ANO5: variants seen among roughly 807,000 people sequenced by gnomAD.
ANO5 encodes anoctamin-5.
Under a neutral mutation model 121.0 loss-of-function variants are expected in ANO5, and 109 were observed. The observed-to-expected ratio is 0.90, with a 90% CI of 0.77 to 1.06. ANO5 has a LOEUF of 1.06. Among genes scored for constraint, ANO5 ranks in the 50% least tolerant of loss-of-function variants. The pLI is 0.00. For missense variants in ANO5, 1,064 were observed against 1,078.5 expected (o/e 0.99, Z 0.19); for synonymous variants, 406 against 359.9 (o/e 1.13, Z -1.45).
chr11:22,227,106 G>A lies in ANO5; in HGVS notation c.364-196G>A, dbSNP rs544881637. 2.3e-4 allele frequency among the ~76,000 whole-genome samples: 35 copies of A among 151,858 alleles called. No individual in the cohort carries two copies. In the South Asian group the frequency reaches 7.3e-3, roughly 31 times the overall value. Reference sequence around the variant, plus strand: ...TTTCACATATATACACACATTATATGTATACATATATACATGTTTTTGTAA... The same window carrying A: ...TTTCACATATATACACACATTATATATATACATATATACATGTTTTTGTAA... On this transcript the variant is annotated intron_variant, in intron 6 of 21. Coordinates refer to ENST00000324559, the MANE Select transcript of ANO5 (RefSeq NM_213599.3).
At chr11:22,236,347 A>C in intron 8 of ANO5, 71 bp downstream of exon 8, 3 of 1,258,974 alleles carry the variant, frequency 2.4e-6, no homozygotes, top group Non-Finnish European at 3.5e-6. Flanking sequence ...GGGAGAGAGA[A>C]TCTTCCTTTA....
intron 13 of ANO5, among the ~76,000 whole-genome samples, chr11:22,256,355 G>A (rs755131083): frequency 1.3e-5 from 2 of 151,998 alleles, no homozygotes; most frequent in South Asian, 2.1e-4. Flanking sequence ...AATTATTCTC[G>A]CAGTATAACA....
At chr11:22,272,286 T>TATA (rs1276879888) in intron 18 of ANO5, among the ~76,000 whole-genome samples, 1 of 144,160 alleles carries the variant, frequency 6.9e-6, no homozygotes, top group African/African-American at 2.6e-5. Flanking sequence ...CTAGAAAATG[T>TATA]ATATTTCCTT....
At chr11:22,277,314 A>G (rs77726917) in intron 21 of ANO5, among the ~76,000 whole-genome samples, 3,283 of 151,700 alleles carry the variant, frequency 0.022, 145 homozygotes, top group African/African-American at 0.076. Context: ...TTGATAATTT[A>G]TTTAGCAGCA....
chr11:22,226,823 T>TC, intron 6 of ANO5, among the ~76,000 whole-genome samples: 1 of 152,172 alleles, frequency 6.6e-6, no homozygotes, highest in Non-Finnish European at 1.5e-5. Flanking sequence ...TGAACCTTTG[T>TC]TACCTAAAGT....
chr11:22,222,095 T>A (rs1354268843), intron 5 of ANO5, among the ~76,000 whole-genome samples: 2 of 151,998 alleles, frequency 1.3e-5, no homozygotes, highest in East Asian at 3.9e-4. Flanking sequence ...TTTACTTTTC[T>A]TTATACAACA....
At chr11:22,273,950 G>A (rs767243986) in intron 19 of ANO5, among the ~76,000 whole-genome samples, 46 of 151,954 alleles carry the variant, frequency 3.0e-4, no homozygotes, top group African/African-American at 9.4e-4. Context: ...TTTTTAAAGC[G>A]TAGCACTAAA....
chr11:22,237,739 G>A (rs1853274583), intron 8 of ANO5, among the ~76,000 whole-genome samples: 1 of 152,052 alleles, frequency 6.6e-6, no homozygotes, highest in African/African-American at 2.4e-5. Flanking sequence ...TTCAACAGGA[G>A]TGTCAATTTA....
intron 9 of ANO5, among the ~76,000 whole-genome samples, chr11:22,246,577 C>G (rs1419144886): frequency 1.3e-5 from 2 of 152,052 alleles, no homozygotes; most frequent in African/African-American, 4.8e-5. Flanking sequence ...AAGAATTTGC[C>G]TGTAATCTCA....
At chr11:22,251,114 G>A in intron 12 of ANO5, 103 bp downstream of exon 12, 1 of 1,188,734 alleles carries the variant, frequency 8.4e-7, no homozygotes. Flanking sequence ...ACCAAATGTG[G>A]TTTTAGATCA....
At chr11:22,259,089 C>T (rs147710435) in intron 14 of ANO5, among the ~76,000 whole-genome samples, 7 of 148,062 alleles carry the variant, frequency 4.7e-5, no homozygotes, top group East Asian at 2.0e-4. Context: ...GCCAAGATCA[C>T]GCCACTGCAC....
Position 22,226,052 on chromosome 11 carries a change from G to A in ANO5, c.363G>A (p.Arg121=). 6.3e-7 allele frequency: 1 copy of A among 1,598,840 alleles called. No individual in the cohort carries two copies. The highest frequency in any genetic ancestry group is 1.7e-5 in the Admixed American group (1 of 59,792). Reference sequence around the variant, plus strand: ...TTGAGTTGGAAATAGAAGACAAAAGGGTAAATGTAGTTGATAATTTATACA... The same window carrying A: ...TTGAGTTGGAAATAGAAGACAAAAGAGTAAATGTAGTTGATAATTTATACA... ...TGLELEIEDK[R]DSEDGRTYFV... Residue 121 remains arginine (R), a splice_region_variant and synonymous_variant, in exon 6 of 22, where the codon AGG becomes AGA. Transcript: ENST00000324559.
chr11:22,272,691 C>A, intron 18 of ANO5, 93 bp from the exon 19 acceptor site: 1 of 1,182,010 alleles, frequency 8.5e-7, no homozygotes, highest in Non-Finnish European at 1.2e-6. Flanking sequence ...GTGTGGATCA[C>A]TCCAAAACGA....
chr11:22,259,818 T>C, intron 15 of ANO5, 77 bp downstream of exon 15: 1 of 1,375,792 alleles, frequency 7.3e-7, no homozygotes, highest in Non-Finnish European at 1.0e-6. Context: ...GGATCAGGTC[T>C]CCAGGAGTTC....
chr11:22,265,467 A>G (rs1854327447), intron 17 of ANO5, among the ~76,000 whole-genome samples: 1 of 152,140 alleles, frequency 6.6e-6, no homozygotes, highest in South Asian at 2.1e-4. Context: ...TCTTGAGCAA[A>G]AAGAGATCAC....
chr11:22,273,109 A>T (rs1026116947), intron 19 of ANO5, 120 bp downstream of exon 19: 1 of 1,107,602 alleles, frequency 9.0e-7, no homozygotes, highest in African/African-American at 1.5e-5. Flanking sequence ...AAGCTAAAAC[A>T]TTCCGAAATT....
intron 1 of ANO5, among the ~76,000 whole-genome samples, chr11:22,194,924 T>G (rs1423450008): frequency 6.6e-6 from 1 of 152,362 alleles, no homozygotes; most frequent in African/African-American, 2.4e-5. Context: ...TATGAACATA[T>G]GCTTTTATTT....
intron 13 of ANO5, among the ~76,000 whole-genome samples, chr11:22,255,841 C>G (rs534357855): frequency 6.6e-6 from 1 of 151,924 alleles, no homozygotes; most frequent in African/African-American, 2.4e-5. Flanking sequence ...TTTTGTGTCA[C>G]TAAATTATTT....
intron 9 of ANO5, among the ~76,000 whole-genome samples, chr11:22,241,204 G>T (rs188155435): frequency 3.3e-5 from 5 of 152,110 alleles, no homozygotes; most frequent in Non-Finnish European, 7.4e-5. Flanking sequence ...AGTGTATATC[G>T]TAGTCATCCT....
Sources: gnomAD v4.1 joint callset for allele counts (sites outside exome capture counted in the v4.1 genomes callset) on GRCh38, gnomAD v4.1.1 for gene constraint, MANE v1.5 for transcripts, NCBI Gene and HGNC (gene_info 2026-07-23, HGNC 2026-07-21) for gene names.